Variants in PLAAT4 observed in about 807,000 individuals in gnomAD.
PLAAT4 encodes the protein phospholipase A and acyltransferase 4.
PLAAT4 carries 12 observed loss-of-function variants against 14.1 expected under a neutral mutation model. The ratio of observed to expected loss-of-function variants is 0.85; its 90% CI spans 0.54 to 1.37. The LOEUF is 1.37. Among genes scored for constraint, PLAAT4 ranks in the 40% most tolerant of loss-of-function variants. The pLI is 0.00. For synonymous variants in PLAAT4, 77 were observed against 79.8 expected (o/e 0.96, Z 0.19); for missense variants, 163 against 211.7 (o/e 0.77, Z 1.43).
Position 63,546,406 on chromosome 11 carries a change from T to C in PLAAT4, c.*150T>C. The C allele has an allele frequency of 3.0e-6, 2 of 669,388 alleles. No homozygotes were observed. The highest frequency in any genetic ancestry group is 5.2e-6 in the Non-Finnish European group (2 of 384,218). 41.5% of individuals were successfully genotyped at this position (669,388 alleles called of 1,614,324 possible). ...TTTCCCTCTCTCGCTGGCAAAAGTA[T>C]GATCTAATTGAAACAAGACTGAAGG... is the stretch of plus-strand genomic sequence containing the variant. On this transcript the variant is annotated 3_prime_UTR_variant, in exon 4 of 4. Coordinates refer to ENST00000255688, the MANE Select transcript of PLAAT4 (RefSeq NM_004585.5).
intron 2 of PLAAT4, among the ~76,000 whole-genome samples, chr11:63,543,597 G>A (rs1056850092): frequency 2.0e-5 from 3 of 152,210 alleles, no homozygotes; most frequent in Non-Finnish European, 2.9e-5. Flanking sequence ...GAGCCACTGC[G>A]CCCAGCCAAC....
chr11:63,539,378 C>A, intron 1 of PLAAT4, 138 bp from the exon 2 acceptor site: 1 of 714,184 alleles, frequency 1.4e-6, no homozygotes, highest in Non-Finnish European at 2.5e-6. Context: ...AAAGTGACAG[C>A]AGGGCTGAGG....
At chr11:63,539,924 G>T (rs1446443883) in intron 2 of PLAAT4, among the ~76,000 whole-genome samples, 1 of 152,226 alleles carries the variant, frequency 6.6e-6, no homozygotes, top group African/African-American at 2.4e-5. Context: ...TCGTGCCATT[G>T]CACTCTAGCC....
intron 1 of PLAAT4, among the ~76,000 whole-genome samples, chr11:63,537,952 C>T (rs902040358): frequency 6.6e-6 from 1 of 152,196 alleles, no homozygotes; most frequent in African/African-American, 2.4e-5. Context: ...CTGCAGAGAG[C>T]AGCAGAGGCC....
intron 1 of PLAAT4, among the ~76,000 whole-genome samples, chr11:63,538,027 C>T (rs865812556): frequency 3.3e-5 from 5 of 152,154 alleles, no homozygotes; most frequent in African/African-American, 1.2e-4. Context: ...GCCATCAGGG[C>T]AGCTTCTCAG....
At chr11:63,537,196 G>T (rs905854098) in intron 1 of PLAAT4, among the ~76,000 whole-genome samples, 12 of 152,232 alleles carry the variant, frequency 7.9e-5, no homozygotes, top group Non-Finnish European at 1.8e-4. Context: ...GCAGGTGGGG[G>T]ACTCTGGGTT....
Position 63,546,318 on chromosome 11 carries a change from C to G in PLAAT4, c.*62C>G. On this transcript the variant is annotated 3_prime_UTR_variant, in exon 4 of 4. Transcript: ENST00000255688. ...GGGTCCCAGTGGAGATGAGCCTCCC[C>G]CATGCCTCCAGCAGCCTGACCCTCG... The G allele has an allele frequency of 3.4e-6, 5 of 1,465,776 alleles. No individual in the cohort carries two copies. Among genetic ancestry groups the G allele is most frequent in the Non-Finnish European group, 4.8e-6 (5 of 1,045,708 alleles). The allele number at this position is 1,465,776 out of a possible 1,614,324, so 90.8% of individuals were successfully genotyped here. A position where few individuals can be genotyped will look rare whatever the true frequency, so the allele number is the denominator to read the frequency against.
At chr11:63,543,432 C>T (rs2017337071) in intron 2 of PLAAT4, among the ~76,000 whole-genome samples, 2 of 152,232 alleles carry the variant, frequency 1.3e-5, no homozygotes, top group South Asian at 4.1e-4. Context: ...TTCTGAATAG[C>T]TGAGACGAGA....
chr11:63,544,513 CAATCACATTTGTGAA>C, intron 2 of PLAAT4, 93 bp from the exon 3 acceptor site: 1 of 1,329,176 alleles, frequency 7.5e-7, no homozygotes, highest in Middle Eastern at 2.7e-4. Flanking sequence ...GTGAATCCTT[CAATCACATTTGTGAA>C]AGGATAAACA....
intron 1 of PLAAT4, 106 bp downstream of exon 1, chr11:63,536,983 C>A: frequency 7.4e-7 from 1 of 1,358,136 alleles, no homozygotes; most frequent in African/African-American, 1.5e-5. Context: ...AGCTCCAGAG[C>A]TCGTCTTTAG....
intron 2 of PLAAT4, among the ~76,000 whole-genome samples, chr11:63,544,171 A>G: frequency 6.6e-6 from 1 of 152,168 alleles, no homozygotes; most frequent in East Asian, 1.9e-4. Flanking sequence ...TAATGATGAA[A>G]ATTTTTCCAA....
chr11:63,545,640 G>C (rs968097966), intron 3 of PLAAT4, among the ~76,000 whole-genome samples: 15 of 152,096 alleles, frequency 9.9e-5, no homozygotes, highest in Non-Finnish European at 2.1e-4. Context: ...AAGTTTCCAG[G>C]CTGCAGTTGG....
At chr11:63,540,271 A>T (rs1335062503) in intron 2 of PLAAT4, among the ~76,000 whole-genome samples, 1 of 152,258 alleles carries the variant, frequency 6.6e-6, no homozygotes, top group African/African-American at 2.4e-5. Context: ...GTTTCTCAAA[A>T]GGAACAATGT....
chr11:63,537,708 T>G (rs72556567), intron 1 of PLAAT4, among the ~76,000 whole-genome samples: 6 of 152,308 alleles, frequency 3.9e-5, no homozygotes, highest in Non-Finnish European at 8.8e-5. Flanking sequence ...TCTCCCCACA[T>G]GGAAACCATC....
At chr11:63,544,463 G>A in intron 2 of PLAAT4, 158 bp from the exon 3 acceptor site, 1 of 920,442 alleles carries the variant, frequency 1.1e-6, no homozygotes, top group Non-Finnish European at 1.6e-6. Flanking sequence ...CTGGGCAACA[G>A]AGTGAGACTC....
intron 1 of PLAAT4, 38 bp from the exon 2 acceptor site, chr11:63,539,478 G>A (rs760164825): frequency 5.4e-5 from 84 of 1,562,356 alleles, no homozygotes; most frequent in Non-Finnish European, 7.1e-5. Flanking sequence ...CTGTTGCCTA[G>A]AAGGCCGGGT....
intron 2 of PLAAT4, among the ~76,000 whole-genome samples, chr11:63,541,336 C>T (rs1208034152): frequency 2.0e-5 from 3 of 152,028 alleles, no homozygotes; most frequent in Admixed American, 1.3e-4. Context: ...AGGCTACAGG[C>T]GCATGCCACC....
chr11:63,538,528 C>A, intron 1 of PLAAT4: 1 of 243,096 alleles, frequency 4.1e-6, no homozygotes, highest in Non-Finnish European at 8.5e-6. Flanking sequence ...GGAGAGCAGA[C>A]CCCAGGTCTA....
At chr11:63,542,032 T>C (rs183427431) in intron 2 of PLAAT4, among the ~76,000 whole-genome samples, 4 of 152,320 alleles carry the variant, frequency 2.6e-5, no homozygotes, top group African/African-American at 9.6e-5. Context: ...AAAGGAGGTA[T>C]TCTTTTAAAA....
Sources: allele counts gnomAD v4.1 joint callset (sites outside exome capture counted in the v4.1 genomes callset), GRCh38; gene constraint gnomAD v4.1.1; transcripts MANE v1.5; gene names NCBI Gene and HGNC (gene_info 2026-07-23, HGNC 2026-07-21).